Variants in EML6 observed in about 807,000 individuals in gnomAD.
EML6 encodes EMAP like 6.
In EML6, 154 loss-of-function variants were observed where a neutral mutation model predicts 240.1. That is an observed-to-expected ratio of 0.64 (90% CI 0.56 to 0.73). EML6 has a LOEUF of 0.73. EML6 is among the 30% of genes least tolerant of loss of function. EML6 has a pLI of 0.00. For missense variants in EML6, 2,964 were observed against 2,474.6 expected (o/e 1.20, Z -4.20); for synonymous variants, 1,148 against 899.0 (o/e 1.28, Z -4.95).
chr2:54,879,509 A>AT, intron 16 of EML6, 38 bp from the exon 17 acceptor site: 1 of 1,394,932 alleles, frequency 7.2e-7, no homozygotes, highest in South Asian at 1.3e-5. Context: ...TTGTTTTTTC[A>AT]TGGAAGAAAT....
At chr2:54,886,094 C>A (rs1423941168) in intron 17 of EML6, among the ~76,000 whole-genome samples, 2 of 150,544 alleles carry the variant, frequency 1.3e-5, no homozygotes, top group African/African-American at 4.9e-5. Flanking sequence ...ACCCATCACC[C>A]AACTGTGACA....
intron 28 of EML6, among the ~76,000 whole-genome samples, chr2:54,944,071 A>G (rs1039931533): frequency 5.9e-5 from 9 of 152,034 alleles, no homozygotes; most frequent in Non-Finnish European, 7.4e-5. Context: ...GTTGGTCCTC[A>G]GGATTTTACC....
chr2:54,804,964 T>A (rs1189337164), intron 2 of EML6, among the ~76,000 whole-genome samples: 1 of 152,238 alleles, frequency 6.6e-6, no homozygotes, highest in Non-Finnish European at 1.5e-5. Context: ...AACGTTTACC[T>A]TTGTAGCTTT....
chr2:54,905,321 G>GACACACACAC lies in EML6; in HGVS notation c.3409+1867_3409+1876dup, dbSNP rs70944194. ...GTCTGATTAACTTTATTTAGAATCC[G>GACACACACAC]ACACACACACACACACACACACACA... is the stretch of plus-strand genomic sequence containing the variant. On this transcript the variant is annotated intron_variant, in intron 24 of 41. Coordinates refer to ENST00000356458, the MANE Select transcript of EML6 (RefSeq NM_001039753.4). Among the ~76,000 whole-genome samples the GACACACACAC allele has an allele frequency of 3.9e-3, 480 of 121,634 alleles. 4 individuals carry two copies. The highest frequency in any genetic ancestry group is 0.013 in the African/African-American group (417 of 31,654). 79.8% of individuals were successfully genotyped at this position (121,634 alleles called of 152,430 possible).
rs1364669644 is a variant in EML6 at position 54,892,274 on chromosome 2, A to T, written c.2540-180A>T. The stretch of plus-strand genomic sequence containing the variant: ...GTAGGGATTCAGTAAACACTGAGTT[A>T]ATGAATAAATGAGAAATATTCTTAG... On this transcript the variant is annotated intron_variant, in intron 18 of 41. Transcript: ENST00000356458. Among the ~76,000 whole-genome samples, 6 of 152,196 alleles carry T rather than the reference A, an allele frequency of 3.9e-5. No homozygotes were observed. In the East Asian group the frequency reaches 1.2e-3, roughly 29 times the overall value.
At chr2:54,810,390 G>T (rs1469929680) in intron 2 of EML6, among the ~76,000 whole-genome samples, 3 of 152,274 alleles carry the variant, frequency 2.0e-5, no homozygotes, top group East Asian at 3.9e-4. Flanking sequence ...GTTGAAATCT[G>T]TTTATTCCAT....
At chr2:54,853,889 A>T in intron 11 of EML6, 34 bp downstream of exon 11, 1 of 1,415,240 alleles carries the variant, frequency 7.1e-7, no homozygotes, top group Non-Finnish European at 9.8e-7. Flanking sequence ...TTGCATAAAG[A>T]TTTACTCTAA....
intron 24 of EML6, among the ~76,000 whole-genome samples, chr2:54,906,573 C>A (rs1293896800): frequency 1.3e-5 from 2 of 152,136 alleles, no homozygotes; most frequent in Non-Finnish European, 2.9e-5. Flanking sequence ...CTTTGAAAAG[C>A]CACCATGCTT....
At chr2:54,922,298 G>T (rs1333711721) in intron 26 of EML6, among the ~76,000 whole-genome samples, 1 of 152,214 alleles carries the variant, frequency 6.6e-6, no homozygotes, top group Admixed American at 6.5e-5. Flanking sequence ...ACAGGTATGT[G>T]AAAAGATGTT....
At chr2:54,837,269 TC>T (rs1436710456) in intron 7 of EML6, among the ~76,000 whole-genome samples, 1 of 152,204 alleles carries the variant, frequency 6.6e-6, no homozygotes, top group African/African-American at 2.4e-5. Context: ...GGGTATTAAC[TC>T]CACACTTGAA....
At chr2:54,817,960 C>T (rs1023407703) in intron 4 of EML6, among the ~76,000 whole-genome samples, 2 of 151,824 alleles carry the variant, frequency 1.3e-5, no homozygotes, top group Non-Finnish European at 2.9e-5. Flanking sequence ...GGCCTGGTAC[C>T]CCTCTCGTCC....
chr2:54,950,253 T>C (rs971298729), intron 29 of EML6, among the ~76,000 whole-genome samples: 1 of 152,184 alleles, frequency 6.6e-6, no homozygotes, highest in African/African-American at 2.4e-5. Flanking sequence ...CCTGGTCACA[T>C]TGATGAGAGT....
At chr2:54,754,293 T>A (rs899203043) in intron 2 of EML6, among the ~76,000 whole-genome samples, 5 of 152,080 alleles carry the variant, frequency 3.3e-5, no homozygotes, top group African/African-American at 1.2e-4. Flanking sequence ...ATCTGACCAC[T>A]AGTCAGCCTT....
At chr2:54,927,429 A>C (rs1457320354) in intron 26 of EML6, among the ~76,000 whole-genome samples, 1 of 152,240 alleles carries the variant, frequency 6.6e-6, no homozygotes, top group East Asian at 1.9e-4. Flanking sequence ...ACTCTGTCAC[A>C]ACCTCAGAGA....
At chr2:54,810,611 A>T (rs1407539930) in intron 2 of EML6, among the ~76,000 whole-genome samples, 1 of 152,162 alleles carries the variant, frequency 6.6e-6, no homozygotes, top group Non-Finnish European at 1.5e-5. Context: ...CTTCCAGGGG[A>T]AATATGCTCA....
At position 54,950,191 on chromosome 2, in the gene EML6, A is replaced by G. The variant is rs557791119; in HGVS notation, c.4084-459A>G. Among the ~76,000 whole-genome samples, 13 of 152,322 alleles carry G rather than the reference A, an allele frequency of 8.5e-5. No homozygotes were observed. In the East Asian group the frequency reaches 1.5e-3, roughly 18 times the overall value. On this transcript the variant is annotated intron_variant, in intron 29 of 41. Transcript: ENST00000356458. ...TATGTAGCAACTTTGTAGAGCAAGC[A>G]CCAGGCAGCAGAACGAGCATGGCCT... is the stretch of plus-strand genomic sequence containing the variant.
intron 26 of EML6, among the ~76,000 whole-genome samples, chr2:54,917,358 G>GTTTTTTTTTTTT (rs147785699): frequency 5.7e-5 from 7 of 123,820 alleles, no homozygotes; most frequent in African/African-American, 6.1e-5. Flanking sequence ...TTTTTTTTTT[G>GTTTTTTTTTTTT]TTTTTTTTTT....
chr2:54,950,876 C>T lies in EML6; in HGVS notation c.4213+97C>T. ...CCCAAAAGCTTAAGCATTTTCCTTC[C>T]CTTATAGAGCCATTCCCCCCAATTC... On this transcript the variant is annotated intron_variant, in intron 30 of 41. Coordinates refer to ENST00000356458, the MANE Select transcript of EML6 (RefSeq NM_001039753.4). 2.4e-6 allele frequency: 3 copies of T among 1,272,606 alleles called. No individual in the cohort carries two copies. The South Asian group carries it at 4.5e-5, about 19-fold the overall frequency. The allele number at this position is 1,272,606 out of a possible 1,614,324, so 78.8% of individuals were successfully genotyped here. A position where few individuals can be genotyped will look rare whatever the true frequency, so the allele number is the denominator to read the frequency against.
chr2:54,910,247 C>T (rs1252243715), intron 24 of EML6, among the ~76,000 whole-genome samples: 1 of 152,154 alleles, frequency 6.6e-6, no homozygotes, highest in East Asian at 1.9e-4. Flanking sequence ...AATACTGGAA[C>T]ATAAATACCT....
Sources: allele counts gnomAD v4.1 joint callset (sites outside exome capture counted in the v4.1 genomes callset), GRCh38; gene constraint gnomAD v4.1.1; transcripts MANE v1.5; gene names NCBI Gene and HGNC (gene_info 2026-07-23, HGNC 2026-07-21).